Variants in SMYD4 observed in about 807,000 individuals in gnomAD.
SMYD4 encodes SET and MYND domain containing 4.
Under a neutral mutation model 72.8 loss-of-function variants are expected in SMYD4, and 68 were observed. The ratio of observed to expected loss-of-function variants is 0.93; its 90% CI spans 0.77 to 1.14. SMYD4 has a LOEUF of 1.14. Among genes scored for constraint, SMYD4 ranks in the 50% most tolerant of loss-of-function variants. The pLI is 0.00. For missense variants in SMYD4, 984 were observed against 1,003.7 expected (o/e 0.98, Z 0.27); for synonymous variants, 407 against 388.6 (o/e 1.05, Z -0.56).
At chr17:1,815,375 T>A (rs2151248440) in intron 2 of SMYD4, among the ~76,000 whole-genome samples, 1 of 152,128 alleles carries the variant, frequency 6.6e-6, no homozygotes, top group African/African-American at 2.4e-5. Flanking sequence ...CTTTTTTGAT[T>A]TTTTAGTAGA....
chr17:1,798,181 A>C (rs1909507062), intron 5 of SMYD4, among the ~76,000 whole-genome samples: 1 of 148,830 alleles, frequency 6.7e-6, no homozygotes, highest in Admixed American at 6.7e-5. Flanking sequence ...CCCAGGCTGG[A>C]GTGCATCGGT....
intron 5 of SMYD4, among the ~76,000 whole-genome samples, chr17:1,789,580 ATGG>A (rs951047463): frequency 1.3e-4 from 20 of 152,144 alleles, no homozygotes; most frequent in African/African-American, 4.6e-4. Context: ...CTTGGCCAAC[ATGG>A]TGAACCCTCG....
In SMYD4 at chr17:1,805,113, T is replaced by C. The variant is rs551805778; in HGVS notation, c.280-398A>G. ...ATATGGATAGCCAAATAGATGAAAA[T>C]GAACGCAAAAAAGGGATACTAGGCT... On this transcript the variant is annotated intron_variant, in intron 3 of 10. Transcript: ENST00000305513. Among the ~76,000 whole-genome samples, 7 of 151,890 alleles carry C rather than the reference T, an allele frequency of 4.6e-5. No individual in the cohort carries two copies. The East Asian group carries it at 1.4e-3, about 29-fold the overall frequency.
Position 1,827,942 on chromosome 17 carries a change from G to C in SMYD4, c.53C>G (p.Ser18Ter). Residue 18 changes from serine (S) to a stop codon, truncating the protein, a stop_gained, in exon 2 of 11, where the codon TCA becomes TGA. Coordinates refer to ENST00000305513, the MANE Select transcript of SMYD4 (RefSeq NM_052928.3). LOFTEE classifies it high-confidence loss of function. ...WKSYLLQKWA[S>*]LPTSVQVTIS... ...TGTGACCTGAACAGACGTCGGGAGT[G>C]AAGCCCACTTTTGAAGCAGATATGA... 4 of 1,613,528 alleles carry C rather than the reference G, an allele frequency of 2.5e-6. No individual in the cohort carries two copies. Among genetic ancestry groups the C allele is most frequent in the Non-Finnish European group, 3.4e-6 (4 of 1,179,498 alleles).
intron 2 of SMYD4, among the ~76,000 whole-genome samples, chr17:1,817,087 C>A (rs768319572): frequency 6.7e-6 from 1 of 150,030 alleles, no homozygotes; most frequent in Non-Finnish European, 1.5e-5. Flanking sequence ...CTCTGTCGCC[C>A]AGGCAGAAGT....
chr17:1,803,655 C>T (rs947966522), intron 4 of SMYD4, among the ~76,000 whole-genome samples: 30 of 151,736 alleles, frequency 2.0e-4, no homozygotes, highest in Non-Finnish European at 3.1e-4. Flanking sequence ...GCCCACCACC[C>T]GCCCAGCTGA....
intron 5 of SMYD4, 37 bp downstream of exon 5, chr17:1,799,817 GAAC>G (rs753699368): frequency 9.3e-6 from 14 of 1,507,990 alleles, no homozygotes; most frequent in Non-Finnish European, 6.2e-6. Context: ...GCTCCATCGA[GAAC>G]AATATTGAAA....
intron 3 of SMYD4, among the ~76,000 whole-genome samples, chr17:1,807,017 A>G (rs962232232): frequency 3.3e-5 from 5 of 151,872 alleles, no homozygotes; most frequent in Admixed American, 3.3e-4. Context: ...CAGCCTCCCA[A>G]GTAGCTAGGG....
chr17:1,796,379 G>A (rs574918247), intron 5 of SMYD4, among the ~76,000 whole-genome samples: 2 of 131,664 alleles, frequency 1.5e-5, no homozygotes, highest in South Asian at 2.5e-4. Context: ...CAAGCAATCC[G>A]CCCACCTCAG....
chr17:1,791,355 G>A (rs1367792214), intron 5 of SMYD4, among the ~76,000 whole-genome samples: 2 of 151,900 alleles, frequency 1.3e-5, no homozygotes, highest in Non-Finnish European at 1.5e-5. Context: ...GAGGTTTCTG[G>A]GGAACTTTGA....
chr17:1,811,092 C>T lies in SMYD4; in HGVS notation c.279+879G>A, dbSNP rs773555199. Among the ~76,000 whole-genome samples, 14 of 152,306 alleles carry T rather than the reference C, an allele frequency of 9.2e-5. No homozygotes were observed. In the South Asian group the frequency reaches 1.9e-3, roughly 20 times the overall value. On this transcript the variant is annotated intron_variant, in intron 3 of 10. Coordinates refer to ENST00000305513, the MANE Select transcript of SMYD4 (RefSeq NM_052928.3). Reference sequence around the variant, plus strand: ...TTTAACTGAGCTGGTTAACACAAGCCGCGTATAGACAGCAAACTAAAAGAG... The same window carrying T: ...TTTAACTGAGCTGGTTAACACAAGCTGCGTATAGACAGCAAACTAAAAGAG...
At chr17:1,809,762 C>T (rs1256562938) in intron 3 of SMYD4, among the ~76,000 whole-genome samples, 6 of 151,662 alleles carry the variant, frequency 4.0e-5, no homozygotes, top group African/African-American at 1.2e-4. Context: ...CTCCGCCTCC[C>T]GGGTTCACGC....
chr17:1,795,339 CATCTATCT>C (rs886902680), intron 5 of SMYD4, among the ~76,000 whole-genome samples: 1 of 69,820 alleles, frequency 1.4e-5, no homozygotes, highest in Non-Finnish European at 5.7e-5. Flanking sequence ...TCTATCTAAT[CATCTATCT>C]ATCTATCTAA....
chr17:1,808,239 T>C (rs72822471), intron 3 of SMYD4, among the ~76,000 whole-genome samples: 3,544 of 152,290 alleles, frequency 0.023, 64 homozygotes, highest in Non-Finnish European at 0.041. Flanking sequence ...TTAGGAGATG[T>C]GAAATCAAGT....
At chr17:1,813,736 T>C (rs985646361) in intron 2 of SMYD4, among the ~76,000 whole-genome samples, 3 of 152,134 alleles carry the variant, frequency 2.0e-5, no homozygotes, top group African/African-American at 7.2e-5. Flanking sequence ...TTTTTGCAAG[T>C]AAGTCTGAAA....
At chr17:1,812,418 C>T (rs575913832) in intron 2 of SMYD4, among the ~76,000 whole-genome samples, 2 of 151,922 alleles carry the variant, frequency 1.3e-5, no homozygotes, top group South Asian at 4.2e-4. Context: ...TCCTGAGTAG[C>T]TGGCACTAAT....
intron 2 of SMYD4, among the ~76,000 whole-genome samples, chr17:1,818,800 G>T (rs1036865060): frequency 3.3e-5 from 5 of 151,556 alleles, no homozygotes; most frequent in Admixed American, 2.6e-4. Flanking sequence ...ACTATCATGC[G>T]TGGCTAAATT....
chr17:1,797,194 T>C (rs938805016), intron 5 of SMYD4, among the ~76,000 whole-genome samples: 1 of 152,216 alleles, frequency 6.6e-6, no homozygotes, highest in African/African-American at 2.4e-5. Flanking sequence ...GAGCTAAGCA[T>C]GTAGAGTTTA....
intron 7 of SMYD4, among the ~76,000 whole-genome samples, chr17:1,785,438 AG>A (rs1908625250): frequency 1.2e-5 from 1 of 82,658 alleles, no homozygotes; most frequent in Non-Finnish European, 2.3e-5. Context: ...CAAAAGAAAA[AG>A]AAAAAAAAAA....
Sources: gnomAD v4.1 joint callset for allele counts (sites outside exome capture counted in the v4.1 genomes callset) on GRCh38, gnomAD v4.1.1 for gene constraint, MANE v1.5 for transcripts, NCBI Gene and HGNC (gene_info 2026-07-23, HGNC 2026-07-21) for gene names.